PCDHGB4: variants seen among roughly 807,000 people sequenced by gnomAD.
The protein encoded by PCDHGB4 is protocadherin gamma subfamily B, 4.
PCDHGB4 carries 38 observed loss-of-function variants against 60.5 expected under a neutral mutation model. That is an observed-to-expected ratio of 0.63 (90% CI 0.48 to 0.82). The LOEUF (loss-of-function observed/expected upper bound fraction) is 0.82, where lower values mean the gene tolerates loss of function less well. PCDHGB4 is among the 40% of genes least tolerant of loss of function. PCDHGB4 has a pLI of 0.00. For missense variants in PCDHGB4, 1,109 were observed against 1,209.6 expected (o/e 0.92, Z 1.23); for synonymous variants, 456 against 509.7 (o/e 0.89, Z 1.42).
At chr5:141,396,767 G>C (rs900685366) in intron 1 of PCDHGB4, 1 of 152,220 alleles carries the variant, frequency 6.6e-6, no homozygotes, top group African/African-American at 2.4e-5. Context: ...ATAAATGTTT[G>C]TTATTAATGA....
rs1333951046 is a variant in PCDHGB4, at chr5:141,485,847, C to T, written c.2398-8960C>T. 10 of 1,614,092 alleles carry T rather than the reference C, an allele frequency of 6.2e-6. No individual in the cohort carries two copies. In the African/African-American group the frequency reaches 8.0e-5, roughly 13 times the overall value. On this transcript the variant is annotated intron_variant, in intron 1 of 3. Transcript: ENST00000519479. This position sits in a 1 kb window ranked among gnomAD's most constrained non-coding sequence, Gnocchi z 5.7. ...GGAGGGAACCCGCCGAGATCTGGCA[C>T]CGCAGAGCTCCGGGTATCCGTGCTG...
chr5:141,404,758 T>C, intron 1 of PCDHGB4: 1 of 1,613,742 alleles, frequency 6.2e-7, no homozygotes, highest in Non-Finnish European at 8.5e-7. Flanking sequence ...GCCAGAATGC[T>C]TGGCTCTCCT....
rs771647688 is a variant in PCDHGB4 at position 141,399,795 on chromosome 5, G to A, written c.2397+9514G>A. 10 of 1,613,202 alleles carry A rather than the reference G, an allele frequency of 6.2e-6. No individual in the cohort carries two copies. In the South Asian group the frequency reaches 8.8e-5, roughly 14 times the overall value. On this transcript the variant is annotated intron_variant, in intron 1 of 3. Transcript: ENST00000519479. ...TGGGCGACCGAAACGACAACGCACC[G>A]CGGGTGCTGTACCCCGCGCTGGGTC...
intron 1 of PCDHGB4, chr5:141,414,677 A>AG: frequency 1.9e-6 from 3 of 1,613,794 alleles, no homozygotes; most frequent in South Asian, 2.2e-5. Flanking sequence ...GACACCATCC[A>AG]GGGGGTACCT....
At chr5:141,420,369 T>C in intron 1 of PCDHGB4, 2 of 1,349,364 alleles carry the variant, frequency 1.5e-6, no homozygotes, top group Non-Finnish European at 2.0e-6. Flanking sequence ...AGATAACTTC[T>C]TCATAGAGTT....
intron 1 of PCDHGB4, among the ~76,000 whole-genome samples, chr5:141,481,676 G>A (rs975849679): frequency 3.3e-5 from 5 of 152,028 alleles, no homozygotes; most frequent in Admixed American, 1.3e-4. Flanking sequence ...AAATCAGGCC[G>A]GGCCTGGTGG....
In PCDHGB4 at chr5:141,410,593, G is replaced by C. The variant is rs921521742; in HGVS notation, c.2397+20312G>C. ...TTCCACCTCATGGTGGGGAGGATTT[G>C]ACTTCACATCCTGAGACTCTGACTT... On this transcript the variant is annotated intron_variant, in intron 1 of 3. Coordinates refer to ENST00000519479, the MANE Select transcript of PCDHGB4 (RefSeq NM_003736.4). The C allele has an allele frequency of 2.5e-6, 4 of 1,608,934 alleles. No individual in the cohort carries two copies. In the African/African-American group the frequency reaches 5.3e-5, roughly 21 times the overall value.
At chr5:141,421,376 C>T in intron 1 of PCDHGB4, 2 of 1,614,030 alleles carry the variant, frequency 1.2e-6, no homozygotes, top group Non-Finnish European at 1.7e-6. Context: ...GGCAATATCT[C>T]CAAGGACCTG....
intron 1 of PCDHGB4, among the ~76,000 whole-genome samples, chr5:141,448,712 G>A (rs1439461223): frequency 1.3e-5 from 2 of 152,004 alleles, no homozygotes; most frequent in African/African-American, 2.4e-5. Flanking sequence ...AGGCCGAGGC[G>A]GGAGGATCAC....
chr5:141,409,055 G>A lies in PCDHGB4; in HGVS notation c.2397+18774G>A, dbSNP rs141881204. The A allele has an allele frequency of 7.2e-5, 117 of 1,614,038 alleles. No individual in the cohort carries two copies. Among genetic ancestry groups the A allele is most frequent in the Admixed American group, 5.0e-4 (30 of 60,032 alleles). On this transcript the variant is annotated intron_variant, in intron 1 of 3. Coordinates refer to ENST00000519479, the MANE Select transcript of PCDHGB4 (RefSeq NM_003736.4). ...GATAAACTACTACTTCCGAAGCACT[G>A]CCCAGAGCACAAAACATATGTTCTC...
At chr5:141,494,514 G>T (rs1457018569) in intron 1 of PCDHGB4, among the ~76,000 whole-genome samples, 2 of 152,160 alleles carry the variant, frequency 1.3e-5, no homozygotes, top group South Asian at 2.1e-4. Context: ...TTTTGGCTCA[G>T]GAGTTCTGAC....
chr5:141,402,324 A>G (rs895598623), intron 1 of PCDHGB4, among the ~76,000 whole-genome samples: 2 of 152,012 alleles, frequency 1.3e-5, no homozygotes, highest in Admixed American at 1.3e-4. Context: ...TTTTACATTT[A>G]CAAATATATA....
chr5:141,390,346 A>C, intron 1 of PCDHGB4, 65 bp downstream of exon 1: 1 of 1,576,446 alleles, frequency 6.3e-7, no homozygotes, highest in African/African-American at 1.4e-5. Context: ...TCACAAGAAA[A>C]TATACATATT....
intron 1 of PCDHGB4, chr5:141,418,408 A>G (rs2096253819): frequency 8.1e-6 from 13 of 1,614,032 alleles, no homozygotes; most frequent in Non-Finnish European, 1.1e-5. Flanking sequence ...TGGTGGAGAA[A>G]GACAATCCTG....
intron 1 of PCDHGB4, among the ~76,000 whole-genome samples, chr5:141,406,933 T>C (rs1034700573): frequency 6.6e-6 from 1 of 152,218 alleles, no homozygotes; most frequent in African/African-American, 2.4e-5. Flanking sequence ...ATGTATTATT[T>C]AATGTTATTT....
intron 1 of PCDHGB4, among the ~76,000 whole-genome samples, chr5:141,437,339 T>A (rs1008090968): frequency 3.3e-5 from 5 of 152,262 alleles, no homozygotes; most frequent in Non-Finnish European, 7.3e-5. Context: ...GTAGCTTCAC[T>A]GTTTTATAGT....
Position 141,432,484 on chromosome 5 carries a change from G to A in PCDHGB4, c.2397+42203G>A, listed in dbSNP as rs1164877592. On this transcript the variant is annotated intron_variant, in intron 1 of 3. Transcript: ENST00000519479. The surrounding 1 kb of genome is among the most constrained non-coding windows in gnomAD (Gnocchi z 6.0). ...TCCCCACGGACGGTTCCACTGGCGTGGAGCTGGCTCCCCGCTCCGCAGAGC... is the reference window on the plus strand; with the variant it reads ...TCCCCACGGACGGTTCCACTGGCGTAGAGCTGGCTCCCCGCTCCGCAGAGC... 8.7e-6 allele frequency: 14 copies of A among 1,614,196 alleles called. No individual in the cohort carries two copies. Among genetic ancestry groups the A allele is most frequent in the Non-Finnish European group, 1.2e-5 (14 of 1,180,046 alleles).
intron 1 of PCDHGB4, chr5:141,413,770 G>A: frequency 6.2e-7 from 1 of 1,612,708 alleles, no homozygotes; most frequent in Non-Finnish European, 8.5e-7. Context: ...CCCGGAGCTG[G>A]TACTGGAGCA....
At chr5:141,412,890 T>G (rs2095584785) in intron 1 of PCDHGB4, 1 of 330,212 alleles carries the variant, frequency 3.0e-6, no homozygotes, top group Non-Finnish European at 5.4e-6. Context: ...AACAGAATAG[T>G]TTACTTTCCA....
Sources: gnomAD v4.1 joint callset for allele counts (sites outside exome capture counted in the v4.1 genomes callset) on GRCh38, gnomAD v4.1.1 for gene constraint, Gnocchi (gnomAD v3.1) non-coding constraint, MANE v1.5 for transcripts, NCBI Gene and HGNC (gene_info 2026-07-23, HGNC 2026-07-21) for gene names.